The following DNAJC10 variants were observed in gnomAD, a reference collection of about 807,000 sequenced individuals.
DNAJC10 encodes endoplasmic reticulum disulfide reductase DNAJC10.
Under a neutral mutation model 115.0 loss-of-function variants are expected in DNAJC10, and 101 were observed. The observed-to-expected ratio is 0.88, with a 90% confidence interval of 0.75 to 1.04. DNAJC10 has a LOEUF of 1.04. Among genes scored for constraint, DNAJC10 ranks in the 50% least tolerant of loss-of-function variants. The pLI, the probability that DNAJC10 is intolerant of heterozygous loss-of-function variation, is 0.00. For missense variants in DNAJC10, 981 were observed against 928.8 expected (o/e 1.06, Z -0.73); for synonymous variants, 307 against 301.5 (o/e 1.02, Z -0.19).
chr2:182,763,675 C>T (rs986555922), intron 22 of DNAJC10, among the ~76,000 whole-genome samples: 3 of 152,110 alleles, frequency 2.0e-5, no homozygotes, highest in Non-Finnish European at 4.4e-5. Flanking sequence ...CACACAGTGC[C>T]TCAGTATTTT....
chr2:182,723,689 T>C (rs1421785217), intron 5 of DNAJC10, among the ~76,000 whole-genome samples: 2 of 152,178 alleles, frequency 1.3e-5, no homozygotes, highest in Non-Finnish European at 2.9e-5. Context: ...GAATTACAGA[T>C]AGAGGAACTG....
chr2:182,747,328 G>T (rs1201663917), intron 14 of DNAJC10, among the ~76,000 whole-genome samples: 2 of 152,166 alleles, frequency 1.3e-5, no homozygotes, highest in Non-Finnish European at 2.9e-5. Context: ...GGGCAGTATG[G>T]CCATTGTCAC....
chr2:182,787,539 T>G lies in DNAJC10; in HGVS notation c.*10407T>G, dbSNP rs1272199050. On this transcript the variant is annotated 3_prime_UTR_variant, in exon 24 of 24. Coordinates refer to ENST00000264065, the MANE Select transcript of DNAJC10 (RefSeq NM_018981.4). ...TACCACTGAAAGTTCACATGCTTGGTTAGCAGTCTTAACCTCTAACCAACT... is the reference window on the plus strand; with the variant it reads ...TACCACTGAAAGTTCACATGCTTGGGTAGCAGTCTTAACCTCTAACCAACT... The G allele has an allele frequency of 6.6e-6, 1 of 152,222 alleles. No homozygotes were observed. The highest frequency in any genetic ancestry group is 2.4e-5 in the African/African-American group (1 of 41,460). The allele number at this position is 152,222 out of a possible 1,614,324, so 9.4% of individuals were successfully genotyped here.
At position 182,740,321 on chromosome 2, in the gene DNAJC10, A is replaced by G; in HGVS notation, c.1010A>G (p.Lys337Arg). The G allele has an allele frequency of 1.3e-6, 2 of 1,519,246 alleles. No individual in the cohort carries two copies. The highest frequency in any genetic ancestry group is 4.8e-5 in the East Asian group (2 of 41,410). 94.1% of individuals were successfully genotyped at this position (1,519,246 alleles called of 1,614,324 possible). The part of the protein sequence containing the change: ...SILFLNSLDA[K>R]EIYLEVIHNL... The stretch of plus-strand genomic sequence containing the variant: ...TAGTTTCTCAACTCATTGGATGCTA[A>G]AGAAATATATTTGGAAGTAATACAT... Residue 337 changes from lysine (K) to arginine (R), a missense_variant, in exon 12 of 24, where the codon AAA (lysine) becomes AGA (arginine). Transcript: ENST00000264065.
intron 11 of DNAJC10, among the ~76,000 whole-genome samples, chr2:182,739,344 T>G (rs1302253205): frequency 1.3e-5 from 2 of 151,318 alleles, no homozygotes; most frequent in Non-Finnish European, 2.9e-5. Flanking sequence ...AGCCATATGT[T>G]TGTTCTCATG....
In DNAJC10 at chr2:182,720,080, G is replaced by A. The variant is rs969357396; in HGVS notation, c.278G>A (p.Arg93Gln). Residue 93 changes from arginine (R) to glutamine (Q), a missense_variant, in exon 4 of 24, where the codon CGG (arginine) becomes CAG (glutamine). Transcript: ENST00000264065. ...GAAGTACTCAAAGATGAAGATCTAC[G>A]GAAAAAGTATGACAAATATGGAGAA... is the stretch of plus-strand genomic sequence containing the variant. Reference protein sequence around the residue: ...AYEVLKDEDLRKKYDKYGEKG... With the variant: ...AYEVLKDEDLQKKYDKYGEKG... 5.6e-6 allele frequency: 9 copies of A among 1,608,606 alleles called. No homozygotes were observed. Among genetic ancestry groups the A allele is most frequent in the African/African-American group, 1.3e-5 (1 of 74,776 alleles).
At chr2:182,763,153 ATACTC>A (rs1460798488) in intron 22 of DNAJC10, among the ~76,000 whole-genome samples, 2 of 152,068 alleles carry the variant, frequency 1.3e-5, no homozygotes, top group African/African-American at 2.4e-5. Context: ...GTCACTAAGA[ATACTC>A]TATAATACAC....
intron 5 of DNAJC10, among the ~76,000 whole-genome samples, chr2:182,726,648 C>A (rs1693292339): frequency 6.6e-6 from 1 of 152,190 alleles, no homozygotes; most frequent in Non-Finnish European, 1.5e-5. Context: ...CCTTACACAA[C>A]CACCACCCTG....
At chr2:182,766,463 A>G (rs1292013800) in intron 22 of DNAJC10, among the ~76,000 whole-genome samples, 1 of 152,210 alleles carries the variant, frequency 6.6e-6, no homozygotes, top group African/African-American at 2.4e-5. Flanking sequence ...ACTATACACC[A>G]TGTAAGCAGA....
intron 5 of DNAJC10, among the ~76,000 whole-genome samples, chr2:182,725,749 G>A (rs931092201): frequency 2.6e-5 from 4 of 152,100 alleles, no homozygotes; most frequent in South Asian, 2.1e-4. Context: ...AGCAAGTCCC[G>A]ACATAGAAGC....
In DNAJC10 at chr2:182,759,189, C is replaced by A; in HGVS notation, c.2027C>A (p.Thr676Lys). Residue 676 changes from threonine (T) to lysine (K), a missense_variant, in exon 21 of 24, where the codon ACA becomes AAA. Coordinates refer to ENST00000264065, the MANE Select transcript of DNAJC10 (RefSeq NM_018981.4). ...TTACCTCAAGTATCCACAGATCTAA[C>A]ACCTCAGACTTTCAGTGAAAAAGTT... ...GFLPQVSTDL[T>K]PQTFSEKVLQ... The A allele has an allele frequency of 1.9e-6, 3 of 1,601,512 alleles. No homozygotes were observed. The highest frequency in any genetic ancestry group is 2.5e-6 in the Non-Finnish European group (3 of 1,176,986).
chr2:182,782,136 A>AGG lies in DNAJC10; in HGVS notation c.*5007_*5008dup, dbSNP rs1331478620. On this transcript the variant is annotated 3_prime_UTR_variant, in exon 24 of 24. Transcript: ENST00000264065. ...TTAATTTTTATATAAGGTGTAAGGA[A>AGG]GGGGTCCCAGTTTCAGTTTTCTACA... is the stretch of plus-strand genomic sequence containing the variant. The AGG allele has an allele frequency of 3.3e-5, 5 of 152,182 alleles. No homozygotes were observed. Among genetic ancestry groups the AGG allele is most frequent in the African/African-American group, 1.2e-4 (5 of 41,460 alleles). The allele number at this position is 152,182 out of a possible 1,614,324, so 9.4% of individuals were successfully genotyped here.
intron 22 of DNAJC10, among the ~76,000 whole-genome samples, chr2:182,767,829 G>A (rs185877075): frequency 2.6e-5 from 4 of 152,180 alleles, no homozygotes; most frequent in East Asian, 3.9e-4. Flanking sequence ...CTCAAACTGC[G>A]TTTCAGGAGG....
chr2:182,734,770 A>G (rs1033909480), intron 10 of DNAJC10, among the ~76,000 whole-genome samples: 1 of 151,736 alleles, frequency 6.6e-6, no homozygotes, highest in Non-Finnish European at 1.5e-5. Flanking sequence ...TTAGAATTGT[A>G]TGTTTTCTTG....
At chr2:182,721,865 A>G (rs1444594660) in intron 4 of DNAJC10, among the ~76,000 whole-genome samples, 160 bp from the exon 5 acceptor site, 2 of 152,000 alleles carry the variant, frequency 1.3e-5, no homozygotes, top group Non-Finnish European at 2.9e-5. Context: ...TGATAGTATT[A>G]TTTACTTTTT....
chr2:182,724,052 C>T (rs1353235512), intron 5 of DNAJC10, among the ~76,000 whole-genome samples: 1 of 152,146 alleles, frequency 6.6e-6, no homozygotes, highest in Non-Finnish European at 1.5e-5. Context: ...CTAAGCTCTT[C>T]TATTATATGC....
At position 182,791,056 on chromosome 2, in the gene DNAJC10, G is replaced by A. The variant is rs554331172; in HGVS notation, c.*13924G>A. On this transcript the variant is annotated 3_prime_UTR_variant, in exon 24 of 24. Transcript: ENST00000264065. ...ATATTTTTTTAATTTCTTCATTTGG[G>A]ATAAAATATTCACTACATAAATTTA... is the stretch of plus-strand genomic sequence containing the variant. The A allele has an allele frequency of 4.6e-5, 7 of 151,580 alleles. No individual in the cohort carries two copies. Among genetic ancestry groups the A allele is most frequent in the African/African-American group, 1.2e-4 (5 of 41,282 alleles). 9.4% of individuals were successfully genotyped at this position (151,580 alleles called of 1,614,324 possible).
At chr2:182,737,876 C>G (rs1181535206) in intron 11 of DNAJC10, among the ~76,000 whole-genome samples, 5 of 152,116 alleles carry the variant, frequency 3.3e-5, no homozygotes, top group Non-Finnish European at 5.9e-5. Flanking sequence ...TCAAGAAAAT[C>G]TATGGCTTTA....
chr2:182,728,563 T>C lies in DNAJC10; in HGVS notation c.419-13T>C. 1.3e-6 allele frequency: 2 copies of C among 1,586,594 alleles called. No individual in the cohort carries two copies. Among genetic ancestry groups the C allele is most frequent in the East Asian group, 4.5e-5 (2 of 44,570 alleles). ...AAATAATTCTAAGTTGTTTGCATTT[T>C]ATGTATTTTTAGATGCTGCTGTTAA... On this transcript the variant is annotated splice_polypyrimidine_tract_variant and intron_variant, in intron 5 of 23. Transcript: ENST00000264065.
Sources: allele counts gnomAD v4.1 joint callset (sites outside exome capture counted in the v4.1 genomes callset), GRCh38; gene constraint gnomAD v4.1.1; transcripts MANE v1.5; gene names NCBI Gene and HGNC (gene_info 2026-07-23, HGNC 2026-07-21).